The following MUSK variants were observed in gnomAD, a reference collection of about 807,000 sequenced individuals.
MUSK encodes the protein muscle associated receptor tyrosine kinase, also known as muscle, skeletal receptor tyrosine-protein kinase.
MUSK carries 55 observed loss-of-function variants against 88.7 expected under a neutral mutation model. The ratio of observed to expected loss-of-function variants is 0.62; its 90% CI spans 0.50 to 0.78. The LOEUF (loss-of-function observed/expected upper bound fraction) is 0.78. MUSK is among the 30% of genes least tolerant of loss of function. The pLI is 0.00. For synonymous variants in MUSK, 387 were observed against 391.9 expected (o/e 0.99, Z 0.15); for missense variants, 1,015 against 1,074.3 (o/e 0.94, Z 0.77).
rs140370700 is a variant in MUSK at position 110,787,865 on chromosome 9, A to G, written c.1927+27A>G. 1.1e-4 allele frequency: 183 copies of G among 1,594,432 alleles called. No individual in the cohort carries two copies. The East Asian group carries it at 3.9e-3, about 34-fold the overall frequency. ...TATGAAAATACAAGTGAGGATATGT[A>G]TTTCATCAGAAAACAGAGGCTTTCC... is the stretch of plus-strand genomic sequence containing the variant. On this transcript the variant is annotated intron_variant, in intron 14 of 14. Coordinates refer to ENST00000374448, the MANE Select transcript of MUSK (RefSeq NM_005592.4).
At chr9:110,723,802 T>G (rs531308409) in intron 5 of MUSK, among the ~76,000 whole-genome samples, 2 of 152,180 alleles carry the variant, frequency 1.3e-5, no homozygotes, top group Middle Eastern at 3.4e-3. Context: ...AGCCACCACT[T>G]TAACTGATCT....
chr9:110,728,702 G>A (rs755770033), intron 5 of MUSK: 101 of 1,584,666 alleles, frequency 6.4e-5, no homozygotes, highest in East Asian at 1.1e-4. Context: ...AAGTGAACCC[G>A]AACAAGATAC....
At chr9:110,738,176 T>C (rs2077052697) in intron 6 of MUSK, among the ~76,000 whole-genome samples, 1 of 152,158 alleles carries the variant, frequency 6.6e-6, no homozygotes, top group Non-Finnish European at 1.5e-5. Flanking sequence ...ATCACCTCTT[T>C]TTATCTTCCA....
chr9:110,768,682 A>G (rs1271905141), intron 9 of MUSK, among the ~76,000 whole-genome samples: 1 of 152,220 alleles, frequency 6.6e-6, no homozygotes, highest in African/African-American at 2.4e-5. Flanking sequence ...AGATGAAAGG[A>G]GAAATCTTAA....
At chr9:110,705,989 C>T in intron 5 of MUSK, 1 of 431,066 alleles carries the variant, frequency 2.3e-6, no homozygotes, top group East Asian at 7.1e-5. Context: ...TACATCTCAT[C>T]ATTAATCCCT....
rs2131956685 is a variant in MUSK at position 110,768,093 on chromosome 9, C to G, written c.1184+10C>G. On this transcript the variant is annotated intron_variant, in intron 9 of 14. Coordinates refer to ENST00000374448, the MANE Select transcript of MUSK (RefSeq NM_005592.4). ...CTATTCCCATTTGCAGGTAAAATCT[C>G]AAAAATAAGTCAAAGGAAAAATTCC... 6.3e-7 allele frequency: 1 copy of G among 1,578,968 alleles called. No individual in the cohort carries two copies. Among genetic ancestry groups the G allele is most frequent in the Non-Finnish European group, 8.6e-7 (1 of 1,161,956 alleles).
At chr9:110,732,853 G>A (rs995491035) in intron 5 of MUSK, among the ~76,000 whole-genome samples, 1 of 151,994 alleles carries the variant, frequency 6.6e-6, no homozygotes, top group Non-Finnish European at 1.5e-5. Context: ...AAGATAGGAA[G>A]TCAAATTAAT....
rs1406829874 is a variant in MUSK at position 110,805,408 on chromosome 9, A to G, written c.*4420A>G. Among the ~76,000 whole-genome samples, 2 of 151,922 alleles carry G rather than the reference A, an allele frequency of 1.3e-5. No individual in the cohort carries two copies. The highest frequency in any genetic ancestry group is 3.8e-4 in the East Asian group (2 of 5,198). On this transcript the variant is annotated 3_prime_UTR_variant, in exon 15 of 15. Transcript: ENST00000374448. ...ATAGCTTAAAGTTATTTCATAGCTTATATTTACACTTCTTTAAATACTAAT... is the reference window on the plus strand; with the variant it reads ...ATAGCTTAAAGTTATTTCATAGCTTGTATTTACACTTCTTTAAATACTAAT...
chr9:110,764,002 T>C (rs994492588), intron 8 of MUSK, among the ~76,000 whole-genome samples: 2 of 152,092 alleles, frequency 1.3e-5, no homozygotes, highest in African/African-American at 4.8e-5. Flanking sequence ...AGATCCGAGA[T>C]CAAATATCCA....
In MUSK at chr9:110,689,740, ATATT is replaced by A. The variant is rs1564218012; in HGVS notation, c.358+2473_358+2476del. 2.7e-3 allele frequency among the ~76,000 whole-genome samples: 160 copies of A among 60,298 alleles called. 9 individuals carry two copies. The highest frequency in any genetic ancestry group is 3.5e-3 in the Non-Finnish European group (136 of 38,582). 39.6% of individuals were successfully genotyped at this position (60,298 alleles called of 152,430 possible). A position where few individuals can be genotyped will look rare whatever the true frequency, so the allele number is the denominator to read the frequency against. The stretch of plus-strand genomic sequence containing the variant: ...ATATGTTATATATAGTTTATATATA[ATATT>A]ATATATTATATATAAACTATATATA... On this transcript the variant is annotated intron_variant, in intron 3 of 14. Coordinates refer to ENST00000374448, the MANE Select transcript of MUSK (RefSeq NM_005592.4).
At chr9:110,752,659 G>C (rs1194989121) in intron 7 of MUSK, among the ~76,000 whole-genome samples, 1 of 152,084 alleles carries the variant, frequency 6.6e-6, no homozygotes, top group South Asian at 2.1e-4. Context: ...TACTCCATCT[G>C]TTTATTTGCT....
chr9:110,679,305 G>A (rs1416764269), intron 1 of MUSK, among the ~76,000 whole-genome samples: 1 of 151,870 alleles, frequency 6.6e-6, no homozygotes, highest in Non-Finnish European at 1.5e-5. Context: ...TTTAGGGCTT[G>A]TTCCTTTTAT....
intron 9 of MUSK, among the ~76,000 whole-genome samples, chr9:110,774,406 G>C (rs1274388857): frequency 6.6e-6 from 1 of 152,096 alleles, no homozygotes. Context: ...TAGAGGGCAT[G>C]CTTTAGTGCA....
chr9:110,702,051 G>A (rs34044139), intron 5 of MUSK, among the ~76,000 whole-genome samples: 8,619 of 150,920 alleles, frequency 0.057, 280 homozygotes, highest in East Asian at 0.089. Context: ...CCATACCTAT[G>A]ATTTAATATC....
Position 110,763,917 on chromosome 9 carries a change from A to C in MUSK, c.920+1709A>C, listed in dbSNP as rs80128653. Among the ~76,000 whole-genome samples the C allele has an allele frequency of 8.5e-5, 13 of 152,324 alleles. No individual in the cohort carries two copies. The East Asian group carries it at 2.5e-3, about 29-fold the overall frequency. On this transcript the variant is annotated intron_variant, in intron 8 of 14. Transcript: ENST00000374448. Reference sequence around the variant, plus strand: ...TTCAAAGTAGAGAGAAATAGGAGTAAGAGGTGCAGTGAGAATTCTTTACCT... The same window carrying C: ...TTCAAAGTAGAGAGAAATAGGAGTACGAGGTGCAGTGAGAATTCTTTACCT...
chr9:110,769,983 A>G (rs2077544786), intron 9 of MUSK, among the ~76,000 whole-genome samples: 1 of 152,102 alleles, frequency 6.6e-6, no homozygotes, highest in Non-Finnish European at 1.5e-5. Context: ...AAAAAAGAAC[A>G]CAGTACTTTC....
At chr9:110,715,137 A>G (rs1019124887) in intron 5 of MUSK, among the ~76,000 whole-genome samples, 1 of 149,996 alleles carries the variant, frequency 6.7e-6, no homozygotes, top group Non-Finnish European at 1.5e-5. Flanking sequence ...CCGCTAAAGG[A>G]ACAGCTTTCA....
At chr9:110,785,787 G>GGGTTTCTGTGACC in intron 13 of MUSK, 69 bp downstream of exon 13, 1 of 1,103,342 alleles carries the variant, frequency 9.1e-7, no homozygotes, top group East Asian at 2.7e-5. Flanking sequence ...CAAACTATTA[G>GGGTTTCTGTGACC]CTTGGTATAT....
At chr9:110,735,915 G>T (rs1422816953) in intron 6 of MUSK, among the ~76,000 whole-genome samples, 3 of 152,014 alleles carry the variant, frequency 2.0e-5, no homozygotes, top group Non-Finnish European at 4.4e-5. Context: ...CAGCACTGAG[G>T]GGATGGTGTT....
Sources: gnomAD v4.1 joint callset for allele counts (sites outside exome capture counted in the v4.1 genomes callset) on GRCh38, gnomAD v4.1.1 for gene constraint, MANE v1.5 for transcripts, NCBI Gene and HGNC (gene_info 2026-07-23, HGNC 2026-07-21) for gene names.